LHFPL3: variants seen among roughly 807,000 people sequenced by gnomAD.
LHFPL3 encodes the protein LHFPL tetraspan subfamily member 3.
A neutral mutation model predicts 19.3 loss-of-function variants in LHFPL3; 5 were observed. The observed-to-expected ratio is 0.26, with a 90% confidence interval of 0.14 to 0.54. The LOEUF is 0.54. Ranked by LOEUF, LHFPL3 falls within the 20% of genes least tolerant of loss-of-function variation. The pLI, the probability that LHFPL3 is intolerant of heterozygous loss-of-function variation, is 0.94. For missense variants in LHFPL3, 249 were observed against 307.4 expected (o/e 0.81, Z 1.42); for synonymous variants, 133 against 126.2 (o/e 1.05, Z -0.36).
At chr7:104,820,275 A>G (rs1419425942) in intron 2 of LHFPL3, among the ~76,000 whole-genome samples, 1 of 152,194 alleles carries the variant, frequency 6.6e-6, no homozygotes, top group Non-Finnish European at 1.5e-5. Flanking sequence ...GGGTGAGCAG[A>G]GTGCTAATAA....
chr7:104,563,899 T>A (rs1790068580), intron 1 of LHFPL3, among the ~76,000 whole-genome samples: 2 of 152,228 alleles, frequency 1.3e-5, no homozygotes, highest in South Asian at 4.1e-4. Context: ...AATATTAAAT[T>A]TGCCATTAAA....
chr7:104,606,875 G>A (rs1004431470), intron 1 of LHFPL3, among the ~76,000 whole-genome samples: 3 of 152,100 alleles, frequency 2.0e-5, no homozygotes, highest in African/African-American at 4.8e-5. Flanking sequence ...CACTGAGTCC[G>A]TCTCTGGGTG....
intron 1 of LHFPL3, among the ~76,000 whole-genome samples, chr7:104,561,741 A>T (rs947563442): frequency 2.6e-5 from 4 of 151,834 alleles, no homozygotes; most frequent in African/African-American, 9.7e-5. Flanking sequence ...TTAGCTGGTT[A>T]TTTTGCTCGT....
chr7:104,471,112 A>G (rs1792899423), intron 1 of LHFPL3, among the ~76,000 whole-genome samples: 1 of 152,176 alleles, frequency 6.6e-6, no homozygotes, highest in Non-Finnish European at 1.5e-5. Context: ...CATTTACCAT[A>G]TTACTAATAC....
intron 1 of LHFPL3, among the ~76,000 whole-genome samples, chr7:104,681,520 G>A (rs4349910): frequency 0.38 from 57,933 of 151,488 alleles, 11,302 homozygotes; most frequent in South Asian, 0.57. Context: ...TACTCAGGAG[G>A]CTGAGGCAGG....
intron 1 of LHFPL3, among the ~76,000 whole-genome samples, chr7:104,562,047 G>T (rs1790016423): frequency 6.6e-6 from 1 of 152,078 alleles, no homozygotes; most frequent in Non-Finnish European, 1.5e-5. Flanking sequence ...TCTGCTGAGA[G>T]ATCCGCTGTT....
intron 2 of LHFPL3, among the ~76,000 whole-genome samples, chr7:104,818,878 G>A (rs1396037020): frequency 6.6e-6 from 1 of 150,844 alleles, no homozygotes; most frequent in Non-Finnish European, 1.5e-5. Flanking sequence ...CTATTTGCTT[G>A]TTTTGGGGTT....
At chr7:104,592,256 T>A (rs1790740387) in intron 1 of LHFPL3, among the ~76,000 whole-genome samples, 1 of 152,172 alleles carries the variant, frequency 6.6e-6, no homozygotes, top group African/African-American at 2.4e-5. Context: ...TTTGTGGTTT[T>A]ATCTACCTTT....
chr7:104,747,228 C>T (rs999800476), intron 2 of LHFPL3, among the ~76,000 whole-genome samples: 1 of 152,186 alleles, frequency 6.6e-6, no homozygotes, highest in Non-Finnish European at 1.5e-5. Flanking sequence ...CCAAAGAAAG[C>T]CCTTATTCCC....
chr7:104,519,982 A>G (rs923563388), intron 1 of LHFPL3, among the ~76,000 whole-genome samples: 2 of 152,066 alleles, frequency 1.3e-5, no homozygotes, highest in African/African-American at 4.8e-5. Context: ...ACACACCGAG[A>G]AAAGAAAATT....
chr7:104,553,397 A>C (rs1237357239), intron 1 of LHFPL3, among the ~76,000 whole-genome samples: 1 of 152,170 alleles, frequency 6.6e-6, no homozygotes, highest in Non-Finnish European at 1.5e-5. Context: ...TAAAGAGTCT[A>C]ACATCCTCAA....
intron 1 of LHFPL3, among the ~76,000 whole-genome samples, chr7:104,350,685 A>G (rs1421001336): frequency 1.3e-5 from 2 of 152,216 alleles, no homozygotes; most frequent in African/African-American, 4.8e-5. Context: ...GTAATTAAAT[A>G]TATAATCTAT....
chr7:104,757,003 G>A (rs1794297787), intron 2 of LHFPL3, among the ~76,000 whole-genome samples: 1 of 152,054 alleles, frequency 6.6e-6, no homozygotes, highest in African/African-American at 2.4e-5. Flanking sequence ...CTAGAATGGT[G>A]CCCTACAAGT....
chr7:104,446,509 T>G (rs1011654164), intron 1 of LHFPL3, among the ~76,000 whole-genome samples: 4 of 152,306 alleles, frequency 2.6e-5, no homozygotes, highest in Admixed American at 6.5e-5. Context: ...GCAGGAAGAT[T>G]CTTCATCAAA....
At chr7:104,417,264 A>G (rs1358959859) in intron 1 of LHFPL3, among the ~76,000 whole-genome samples, 3 of 152,198 alleles carry the variant, frequency 2.0e-5, no homozygotes, top group African/African-American at 7.2e-5. Flanking sequence ...GGAATATTTA[A>G]CCTTCATGTC....
chr7:104,824,463 T>C (rs1313170595), intron 2 of LHFPL3, among the ~76,000 whole-genome samples: 1 of 54,222 alleles, frequency 1.8e-5, no homozygotes, highest in Non-Finnish European at 3.0e-5. Context: ...TATATAATTT[T>C]ATATATAATA....
intron 1 of LHFPL3, among the ~76,000 whole-genome samples, chr7:104,594,033 T>A (rs1790787729): frequency 6.6e-6 from 1 of 152,216 alleles, no homozygotes; most frequent in South Asian, 2.1e-4. Flanking sequence ...TTAGCCGATT[T>A]ACATTCAAGG....
intron 1 of LHFPL3, among the ~76,000 whole-genome samples, chr7:104,652,810 C>T (rs912190459): frequency 7.3e-5 from 11 of 149,664 alleles, no homozygotes; most frequent in Non-Finnish European, 1.5e-4. Flanking sequence ...CTAGGGAAAA[C>T]TGAGCTCAAT....
intron 1 of LHFPL3, chr7:104,470,042 T>C (rs1221379471): frequency 2.2e-6 from 1 of 455,912 alleles, no homozygotes; most frequent in Non-Finnish European, 4.4e-6. Flanking sequence ...TTCGGGTGTT[T>C]ACTGCCTTGT....
Sources: gnomAD v4.1 joint callset for allele counts (sites outside exome capture counted in the v4.1 genomes callset) on GRCh38, gnomAD v4.1.1 for gene constraint, MANE v1.5 for transcripts, NCBI Gene and HGNC (gene_info 2026-07-23, HGNC 2026-07-21) for gene names.